Variants in COL18A1 observed in about 807,000 individuals in gnomAD.
COL18A1 encodes the protein collagen alpha-1(XVIII) chain.
In COL18A1, 133 loss-of-function variants were observed where a neutral mutation model predicts 168.0. The observed-to-expected ratio is 0.79, with a 90% CI of 0.69 to 0.91. The LOEUF (loss-of-function observed/expected upper bound fraction) is 0.91. Among genes scored for constraint, COL18A1 ranks in the 40% least tolerant of loss-of-function variants. COL18A1 has a pLI of 0.00. For synonymous variants in COL18A1, 949 were observed against 809.0 expected (o/e 1.17, Z -2.94); for missense variants, 2,126 against 1,925.4 (o/e 1.10, Z -1.95).
At position 45,477,455 on chromosome 21, in the gene COL18A1, A is replaced by T; in HGVS notation, c.973A>T (p.Ser325Cys). Residue 325 changes from serine (S) to cysteine (C), a missense_variant, in exon 7 of 42, where the codon AGT becomes TGT. Coordinates refer to ENST00000651438, the MANE Select transcript of COL18A1 (RefSeq NM_001379500.1). ...AGATTCTGTCTCCACGTGGGACGGG[A>T]GTGTCCGGACCCCTGGGGGCCGCGT... The part of the protein sequence containing the change: ...GSDSVSTWDG[S>C]VRTPGGRVKE... 1 of 1,612,818 alleles carries T rather than the reference A, an allele frequency of 6.2e-7. No homozygotes were observed. Among genetic ancestry groups the T allele is most frequent in the Non-Finnish European group, 8.5e-7 (1 of 1,179,528 alleles).
chr21:45,436,230 T>C (rs940605598), intron 2 of COL18A1, among the ~76,000 whole-genome samples: 2 of 152,104 alleles, frequency 1.3e-5, no homozygotes, highest in African/African-American at 4.8e-5. Flanking sequence ...GAGCTGATGG[T>C]GGGCCCCTGG....
chr21:45,501,321 C>T (rs181848771), intron 32 of COL18A1, among the ~76,000 whole-genome samples: 238 of 152,138 alleles, frequency 1.6e-3, no homozygotes, highest in African/African-American at 5.2e-3. Flanking sequence ...ACTTTCAGCC[C>T]AGGGAGATCT....
chr21:45,464,385 A>C (rs146061857), intron 2 of COL18A1, among the ~76,000 whole-genome samples: 1 of 152,292 alleles, frequency 6.6e-6, no homozygotes, highest in African/African-American at 2.4e-5. Context: ...CCAGCCACAC[A>C]TGAGAGGGTG....
At position 45,509,447 on chromosome 21, in the gene COL18A1, G is replaced by A. The variant is rs112359725; in HGVS notation, c.3341G>A (p.Arg1114Gln). Residue 1114 changes from arginine to glutamine, a missense_variant, in exon 39 of 42, where the codon CGG becomes CAG. Arg to Gln is a conservative substitution (Grantham distance 43). Transcript: ENST00000651438. ...PRREHPHPTA[R>Q]PWRADDILAS... ...CGGGAGCACCCCCACCCCACCGCGC[G>A]GCCCTGGCGGGCAGATGACATCCTG... 29 of 1,533,068 alleles carry A rather than the reference G, an allele frequency of 1.9e-5. No individual in the cohort carries two copies. Among genetic ancestry groups the A allele is most frequent in the African/African-American group, 1.2e-4 (9 of 72,888 alleles). 95.0% of individuals were successfully genotyped at this position (1,533,068 alleles called of 1,614,324 possible). A position where few individuals can be genotyped will look rare whatever the true frequency, so the allele number is the denominator to read the frequency against.
intron 2 of COL18A1, among the ~76,000 whole-genome samples, chr21:45,413,782 C>A (rs1229994157): frequency 2.0e-5 from 3 of 151,148 alleles, no homozygotes; most frequent in African/African-American, 7.3e-5. Context: ...TGTGCCTGGG[C>A]CTTTGCAGAG....
Position 45,513,436 on chromosome 21 carries a change from G to A in COL18A1, c.*1038G>A, listed in dbSNP as rs577973861. Reference sequence around the variant, plus strand: ...ATCCTTACCCTCCTTGGGACTGAAGGGGAACCCCGGGGTGCCCACAGGCCG... The same window carrying A: ...ATCCTTACCCTCCTTGGGACTGAAGAGGAACCCCGGGGTGCCCACAGGCCG... On this transcript the variant is annotated 3_prime_UTR_variant, in exon 42 of 42. Transcript: ENST00000651438. The A allele has an allele frequency of 3.3e-5, 5 of 152,220 alleles. No homozygotes were observed. The highest frequency in any genetic ancestry group is 7.3e-5 in the Non-Finnish European group (5 of 68,056). The allele number at this position is 152,220 out of a possible 1,614,324, so 9.4% of individuals were successfully genotyped here. A position where few individuals can be genotyped will look rare whatever the true frequency, so the allele number is the denominator to read the frequency against.
intron 2 of COL18A1, among the ~76,000 whole-genome samples, chr21:45,413,168 G>A (rs2123511196): frequency 6.6e-6 from 1 of 152,348 alleles, no homozygotes; most frequent in South Asian, 2.1e-4. Flanking sequence ...TTAGGGCAGA[G>A]CCCCGTAGGA....
chr21:45,435,057 G>A (rs566411617), intron 2 of COL18A1, among the ~76,000 whole-genome samples: 27 of 152,188 alleles, frequency 1.8e-4, no homozygotes, highest in African/African-American at 6.5e-4. Context: ...AGGGCTGAAG[G>A]AAAGCCACTG....
Position 45,468,602 on chromosome 21 carries a change from C to T in COL18A1, c.467C>T (p.Pro156Leu), listed in dbSNP as rs369275624. The T allele has an allele frequency of 3.1e-6, 5 of 1,613,838 alleles. No homozygotes were observed. The South Asian group carries it at 3.3e-5, about 11-fold the overall frequency. The change falls in exon 3 of 42, where the codon CCC becomes CTC. Residue 156 changes from proline (P) to leucine (L), a missense_variant. Coordinates refer to ENST00000651438, the MANE Select transcript of COL18A1 (RefSeq NM_001379500.1). ...QTHTAASFRL[P>L]AFVGQWTHLA... Reference sequence around the variant, plus strand: ...CACACAGCCGCCAGCTTCCGGCTCCCCGCCTTCGTCGGCCAGTGGACACAC... The same window carrying T: ...CACACAGCCGCCAGCTTCCGGCTCCTCGCCTTCGTCGGCCAGTGGACACAC...
rs1259540539 is a variant in COL18A1 at position 45,468,223 on chromosome 21, G to A, written c.107-19G>A. On this transcript the variant is annotated intron_variant, in intron 2 of 41. Transcript: ENST00000651438. ...TCCGTCCTGCACAGCCACCTCACCA[G>A]CTGTCTTTCTTTTTGCAGAGCGCAT... is the stretch of plus-strand genomic sequence containing the variant. 2.5e-6 allele frequency: 4 copies of A among 1,612,512 alleles called. No individual in the cohort carries two copies. In the African/African-American group the frequency reaches 4.0e-5, roughly 16 times the overall value.
intron 32 of COL18A1, among the ~76,000 whole-genome samples, chr21:45,500,535 G>T (rs1385351151): frequency 5.2e-5 from 3 of 58,054 alleles, no homozygotes; most frequent in Non-Finnish European, 9.7e-5. Context: ...GGGTGTGTAG[G>T]GTGTGGTTTG....
In COL18A1 at chr21:45,492,688, G is replaced by T. The variant is rs774208933; in HGVS notation, c.2189G>T (p.Gly730Val). Residue 730 changes from glycine to valine, a missense_variant and splice_region_variant, in exon 24 of 42, where the codon GGC (glycine) becomes GTC (valine). By Grantham distance (109) the Gly-to-Val change is moderately radical. Transcript: ENST00000651438. ...GSVLSVPGPE[G>V]RPGFAGFPGP... ...CTGACGCCGTCCCTCTTTCCCCAGG[G>T]CCGGCCGGGTTTCGCAGGCTTTCCC... 8.1e-6 allele frequency: 13 copies of T among 1,611,104 alleles called. No individual in the cohort carries two copies. Among genetic ancestry groups the T allele is most frequent in the Non-Finnish European group, 8.5e-6 (10 of 1,179,516 alleles).
intron 2 of COL18A1, chr21:45,421,717 A>G (rs950961582): frequency 1.1e-4 from 46 of 435,844 alleles, no homozygotes; most frequent in Non-Finnish European, 1.9e-4. Flanking sequence ...CCTGCCTGGC[A>G]CAGAGACCCT....
Position 45,504,050 on chromosome 21 carries a change from T to A in COL18A1, c.2723T>A (p.Met908Lys). 6.2e-7 allele frequency: 1 copy of A among 1,613,616 alleles called. No homozygotes were observed. Among genetic ancestry groups the A allele is most frequent in the Non-Finnish European group, 8.5e-7 (1 of 1,179,968 alleles). Residue 908 changes from methionine (M) to lysine (K), a missense_variant, in exon 33 of 42, where the codon ATG becomes AAG. Transcript: ENST00000651438. The part of the protein sequence containing the change: ...PFDFLQLEAE[M>K]KGEKGDRGDA... ...GACTTTCTTCAGTTGGAGGCTGAAA[T>A]GAAGGTGGGTGACCTCCCTGTGGGG...
intron 32 of COL18A1, among the ~76,000 whole-genome samples, chr21:45,500,314 TGGG>T (rs1157176833): frequency 1.6e-4 from 5 of 31,390 alleles, no homozygotes; most frequent in South Asian, 9.6e-4. Flanking sequence ...GGGTGTGTAG[TGGG>T]GGTGTGAGGG....
Position 45,480,802 on chromosome 21 carries a change from G to T in COL18A1, c.1555G>T (p.Ala519Ser), listed in dbSNP as rs61737706. ...GVNSSDVPGP[A>S]GLPGVPGREG... The stretch of plus-strand genomic sequence containing the variant: ...GAACAGCTCCGACGTCCCAGGACCC[G>T]CCGGCCTTCCTGGTGTGCCTGGGCG... The change falls in exon 13 of 42, where the codon GCC (alanine) becomes TCC (serine). Residue 519 changes from alanine (A) to serine (S), a missense_variant. Transcript: ENST00000651438. 3.6e-5 allele frequency: 58 copies of T among 1,611,516 alleles called. No individual in the cohort carries two copies. Among genetic ancestry groups the T allele is most frequent in the Non-Finnish European group, 4.8e-5 (57 of 1,179,734 alleles).
rs1204133687 is a variant in COL18A1 at position 45,500,501 on chromosome 21, TG to T, written c.2683+2845del. Among the ~76,000 whole-genome samples the T allele has an allele frequency of 6.9e-5, 3 of 43,208 alleles. 1 individual carries two copies. Among genetic ancestry groups the T allele is most frequent in the African/African-American group, 2.3e-4 (2 of 8,512 alleles). 28.3% of individuals were successfully genotyped at this position (43,208 alleles called of 152,430 possible). On this transcript the variant is annotated intron_variant, in intron 32 of 41. Transcript: ENST00000651438. ...GGTTTGGTGTGTTGCGTGTGTAGTG[TG>T]GGGGTGTGGTTTGGTGTGTGTTGGG... is the stretch of plus-strand genomic sequence containing the variant.
chr21:45,464,140 T>C (rs1175825608), intron 2 of COL18A1, among the ~76,000 whole-genome samples: 1 of 151,886 alleles, frequency 6.6e-6, no homozygotes, highest in East Asian at 1.9e-4. Flanking sequence ...AGTGACCACA[T>C]TTCCAGGTTG....
At position 45,477,607 on chromosome 21, in the gene COL18A1, C is replaced by T. The variant is rs568879436; in HGVS notation, c.1005+120C>T. On this transcript the variant is annotated intron_variant, in intron 7 of 41. Coordinates refer to ENST00000651438, the MANE Select transcript of COL18A1 (RefSeq NM_001379500.1). ...GTGCCCGTGCCTCCTTTGTGCCCAGCACTCGGTGCCAGCATGCGTCCACCC... is the reference window on the plus strand; with the variant it reads ...GTGCCCGTGCCTCCTTTGTGCCCAGTACTCGGTGCCAGCATGCGTCCACCC... 8.4e-5 allele frequency: 106 copies of T among 1,269,024 alleles called. 1 individual carries two copies. The highest frequency in any genetic ancestry group is 6.0e-4 in the African/African-American group (41 of 67,816). The allele number at this position is 1,269,024 out of a possible 1,614,324, so 78.6% of individuals were successfully genotyped here.
Sources: gnomAD v4.1 joint callset for allele counts (sites outside exome capture counted in the v4.1 genomes callset) on GRCh38, gnomAD v4.1.1 for gene constraint, MANE v1.5 for transcripts, NCBI Gene and HGNC (gene_info 2026-07-23, HGNC 2026-07-21) for gene names.